Variants in AR observed in about 807,000 individuals in gnomAD.
The protein encoded by AR is dihydrotestosterone receptor.
AR carries 8 observed loss-of-function variants against 53.9 expected under a neutral mutation model. That is an observed-to-expected ratio of 0.15 (90% CI 0.09 to 0.27). AR has a LOEUF of 0.27. Ranked by LOEUF, AR falls within the 10% of genes least tolerant of loss-of-function variation. AR has a pLI of 1.00. For missense variants in AR, 639 were observed against 742.5 expected (o/e 0.86, Z 1.62); for synonymous variants, 359 against 316.4 (o/e 1.13, Z -1.43).
chrX:67,612,733 A>C (rs1201932155), intron 1 of AR, among the ~76,000 whole-genome samples: 1 of 112,215 alleles, frequency 8.9e-6, no homozygotes, highest in East Asian at 2.8e-4. Flanking sequence ...TCCTAAGGGC[A>C]CATAGCAAAA....
intron 1 of AR, among the ~76,000 whole-genome samples, chrX:67,630,090 G>A (rs1429254259): frequency 9.0e-6 from 1 of 110,947 alleles, no homozygotes; most frequent in African/African-American, 3.3e-5. Context: ...GGTGTGGTGT[G>A]GTGCTGAAAA....
In AR at chrX:67,697,275, C is replaced by A. The variant is rs1043132131; in HGVS notation, c.1885+11149C>A. ...AGTCCTTGTGAAACTCTATATGTTT[C>A]ATCAGTTCACTTTTTCAGAAAGTTC... On this transcript the variant is annotated intron_variant, in intron 3 of 7. Transcript: ENST00000374690. 9.9e-5 allele frequency among the ~76,000 whole-genome samples: 11 copies of A among 111,467 alleles called. No homozygotes were observed. The Admixed American group carries it at 1.1e-3, about 11-fold the overall frequency.
In AR at chrX:67,723,845, A is replaced by G. The variant is rs766895822; in HGVS notation, c.*4A>G. Reference sequence around the variant, plus strand: ...CATCTATTTCCACACCCAGTGAAGCATTGGAAACCCTATTTCCCCACCCCA... The same window carrying G: ...CATCTATTTCCACACCCAGTGAAGCGTTGGAAACCCTATTTCCCCACCCCA... On this transcript the variant is annotated 3_prime_UTR_variant, in exon 8 of 8. Transcript: ENST00000374690. 2.5e-6 allele frequency: 3 copies of G among 1,207,245 alleles called. No individual in the cohort carries two copies.
intron 2 of AR, among the ~76,000 whole-genome samples, chrX:67,668,857 A>C (rs1312136908): frequency 9.0e-6 from 1 of 111,134 alleles, no homozygotes; most frequent in East Asian, 2.8e-4. Flanking sequence ...AGTTGCTCAT[A>C]ATGCCCTCTA....
intron 2 of AR, among the ~76,000 whole-genome samples, chrX:67,676,430 T>C (rs1220418616): frequency 1.8e-5 from 2 of 112,446 alleles, no homozygotes; most frequent in Non-Finnish European, 3.8e-5. Flanking sequence ...TTCCAATCAC[T>C]TTTGCATGAT....
At chrX:67,657,858 A>G (rs1346032045) in intron 2 of AR, among the ~76,000 whole-genome samples, 1 of 111,658 alleles carries the variant, frequency 9.0e-6, no homozygotes, top group East Asian at 2.8e-4. Flanking sequence ...GGTTGTATTC[A>G]TGTCCTTTTT....
At chrX:67,700,857 G>A (rs772941332) in intron 3 of AR, among the ~76,000 whole-genome samples, 1 of 112,100 alleles carries the variant, frequency 8.9e-6, no homozygotes, top group African/African-American at 3.2e-5. Context: ...GAAAGTCGAG[G>A]CGACAGATTA....
Position 67,711,789 on chromosome X carries a change from C to T in AR, c.2173+100C>T, listed in dbSNP as rs188629911. The T allele has an allele frequency of 2.4e-4, 214 of 875,361 alleles. No individual in the cohort carries two copies. The African/African-American group carries it at 3.8e-3, about 16-fold the overall frequency. The allele number at this position is 875,361 out of a possible 1,213,427, so 72.1% of individuals were successfully genotyped here. Reference sequence around the variant, plus strand: ...TGTCTGGTGCTTTTCTGCCCATTAACTCAGGCAGTCTTCATCATAACCCTG... The same window carrying T: ...TGTCTGGTGCTTTTCTGCCCATTAATTCAGGCAGTCTTCATCATAACCCTG... On this transcript the variant is annotated intron_variant, in intron 4 of 7. Coordinates refer to ENST00000374690, the MANE Select transcript of AR (RefSeq NM_000044.6).
At chrX:67,705,830 A>C (rs1344190256) in intron 3 of AR, among the ~76,000 whole-genome samples, 1 of 111,273 alleles carries the variant, frequency 9.0e-6, no homozygotes, top group Admixed American at 9.6e-5. Context: ...ATCAATACCT[A>C]ATTTATTGAG....
chrX:67,701,707 CACAT>C (rs1479821504), intron 3 of AR, among the ~76,000 whole-genome samples: 1 of 109,050 alleles, frequency 9.2e-6, no homozygotes, highest in Non-Finnish European at 1.9e-5. Flanking sequence ...CACACACACA[CACAT>C]GCACACACAC....
intron 2 of AR, among the ~76,000 whole-genome samples, chrX:67,669,969 A>T (rs1162580640): frequency 9.5e-6 from 1 of 105,294 alleles, no homozygotes; most frequent in African/African-American, 3.4e-5. Flanking sequence ...TGTAAATAAA[A>T]ATTATTATTT....
chrX:67,645,342 G>A (rs1181717827), intron 2 of AR, among the ~76,000 whole-genome samples: 1 of 111,645 alleles, frequency 9.0e-6, no homozygotes, highest in Non-Finnish European at 1.9e-5. Context: ...GCTTTCTGCA[G>A]AAGTTAGAGC....
At chrX:67,721,518 G>T (rs191178195) in intron 5 of AR, among the ~76,000 whole-genome samples, 3 of 111,479 alleles carry the variant, frequency 2.7e-5, no homozygotes, top group African/African-American at 9.8e-5. Context: ...TGTTCATTTG[G>T]TTAGGCTTTC....
chrX:67,600,280 G>A (rs1434200012), intron 1 of AR, among the ~76,000 whole-genome samples: 3 of 110,372 alleles, frequency 2.7e-5, no homozygotes, highest in Non-Finnish European at 5.7e-5. Context: ...TAAAATTTTG[G>A]TACTAAAAAC....
chrX:67,611,869 A>G (rs1259019995), intron 1 of AR, among the ~76,000 whole-genome samples: 1 of 112,191 alleles, frequency 8.9e-6, no homozygotes, highest in East Asian at 2.8e-4. Flanking sequence ...CCTGATGTGT[A>G]TTTCAGTGAT....
rs2076150235 is a variant in AR at position 67,724,474 on chromosome X, A to G, written c.*633A>G. ...CCCATGGGGAGTTACTGATTTTTTC[A>G]TCTCCTCCCTCCACGGGAGACTTTA... is the stretch of plus-strand genomic sequence containing the variant. On this transcript the variant is annotated 3_prime_UTR_variant, in exon 8 of 8. Transcript: ENST00000374690. 1.7e-5 allele frequency: 3 copies of G among 173,266 alleles called. No individual in the cohort carries two copies. The highest frequency in any genetic ancestry group is 3.3e-5 in the Non-Finnish European group (3 of 91,498). 14.3% of individuals were successfully genotyped at this position (173,266 alleles called of 1,213,427 possible).
At chrX:67,691,268 C>T (rs2075994059) in intron 3 of AR, among the ~76,000 whole-genome samples, 1 of 112,143 alleles carries the variant, frequency 8.9e-6, no homozygotes, top group Non-Finnish European at 1.9e-5. Context: ...TAGACCAAGG[C>T]AATTGGCTTG....
chrX:67,551,001 G>GTTTTTTT (rs1213943835), intron 1 of AR, among the ~76,000 whole-genome samples: 19 of 76,601 alleles, frequency 2.5e-4, no homozygotes, highest in African/African-American at 1.1e-3. Flanking sequence ...GAATAGCTGG[G>GTTTTTTT]TTTTTTTTTT....
chrX:67,727,584 C>T lies in AR; in HGVS notation c.*3743C>T. 5.7e-6 allele frequency: 1 copy of T among 173,962 alleles called. No homozygotes were observed. The highest frequency in any genetic ancestry group is 1.1e-5 in the Non-Finnish European group (1 of 90,434). The allele number at this position is 173,962 out of a possible 1,213,427, so 14.3% of individuals were successfully genotyped here. A position where few individuals can be genotyped will look rare whatever the true frequency, so the allele number is the denominator to read the frequency against. ...TAGGCACAGCACAGATGTGGCCTTT[C>T]CCCCCTTCTCTCCCTTGATATCTGG... On this transcript the variant is annotated 3_prime_UTR_variant, in exon 8 of 8. Coordinates refer to ENST00000374690, the MANE Select transcript of AR (RefSeq NM_000044.6).
Sources: allele counts gnomAD v4.1 joint callset (sites outside exome capture counted in the v4.1 genomes callset), GRCh38; gene constraint gnomAD v4.1.1; transcripts MANE v1.5; gene names NCBI Gene and HGNC (gene_info 2026-07-23, HGNC 2026-07-21).